APBA2: variants seen among roughly 807,000 people sequenced by gnomAD.
APBA2 encodes the protein amyloid beta precursor protein binding family A member 2, also known as amyloid-beta A4 precursor protein-binding family A member 2.
In APBA2, 30 loss-of-function variants were observed where a neutral mutation model predicts 75.0. The observed-to-expected ratio is 0.40, with a 90% confidence interval of 0.30 to 0.54. The LOEUF (loss-of-function observed/expected upper bound fraction) is 0.54. Ranked by LOEUF, APBA2 falls within the 20% of genes least tolerant of loss-of-function variation. APBA2 has a pLI of 0.49. For synonymous variants in APBA2, 444 were observed against 409.6 expected (o/e 1.08, Z -1.01); for missense variants, 801 against 1,016.1 (o/e 0.79, Z 2.88).
intron 3 of APBA2, among the ~76,000 whole-genome samples, chr15:29,005,929 C>G (rs542364175): frequency 6.6e-6 from 1 of 151,918 alleles, no homozygotes; most frequent in Non-Finnish European, 1.5e-5. Flanking sequence ...AGTTTAATAC[C>G]GCAACATAAT....
At chr15:29,111,655 G>A (rs552855712) in intron 13 of APBA2, among the ~76,000 whole-genome samples, 18 of 152,146 alleles carry the variant, frequency 1.2e-4, no homozygotes, top group African/African-American at 2.2e-4. Flanking sequence ...ATGAGTGCCC[G>A]TGGTCATGGT....
At chr15:28,953,289 C>T (rs28611099) in intron 2 of APBA2, among the ~76,000 whole-genome samples, 5,064 of 152,252 alleles carry the variant, frequency 0.033, 298 homozygotes, top group African/African-American at 0.12. Context: ...CTCAGCTTCA[C>T]GCTGCCCTCC....
At chr15:29,013,556 C>T (rs2039512463) in intron 3 of APBA2, among the ~76,000 whole-genome samples, 3 of 152,202 alleles carry the variant, frequency 2.0e-5, no homozygotes, top group Admixed American at 2.0e-4. Flanking sequence ...GCTGGGATTA[C>T]AGGCGTGAGC....
In APBA2 at chr15:28,998,662, C is replaced by T. The variant is rs189990994; in HGVS notation, c.-41+2856C>T. Among the ~76,000 whole-genome samples, 8 of 152,200 alleles carry T rather than the reference C, an allele frequency of 5.3e-5. No homozygotes were observed. The East Asian group carries it at 9.7e-4, about 18-fold the overall frequency. On this transcript the variant is annotated intron_variant, in intron 3 of 14. Transcript: ENST00000683413. ...TGTGACATTTGTGCAGGGAGAGACA[C>T]GGCAATGGCTGGGACAGGGTAGCAA...
chr15:29,027,761 C>T (rs1045501866), intron 3 of APBA2, among the ~76,000 whole-genome samples: 1 of 151,998 alleles, frequency 6.6e-6, no homozygotes, highest in African/African-American at 2.4e-5. Flanking sequence ...GCCACCACGC[C>T]TGGCTAATTT....
At chr15:29,021,807 C>G (rs2039970291) in intron 3 of APBA2, among the ~76,000 whole-genome samples, 2 of 152,090 alleles carry the variant, frequency 1.3e-5, no homozygotes, top group East Asian at 3.9e-4. Context: ...TCCACTTCCC[C>G]TACCCCCAGC....
At chr15:29,116,401 C>T (rs899642121) in intron 14 of APBA2, among the ~76,000 whole-genome samples, 9 of 151,936 alleles carry the variant, frequency 5.9e-5, no homozygotes, top group Non-Finnish European at 8.8e-5. Context: ...CCGAGGCGGG[C>T]GTATCACGAG....
chr15:28,968,513 C>T (rs1490791549), intron 2 of APBA2, among the ~76,000 whole-genome samples: 1 of 152,186 alleles, frequency 6.6e-6, no homozygotes, highest in African/African-American at 2.4e-5. Context: ...TGCACATTGG[C>T]AGCTGGATCC....
intron 2 of APBA2, among the ~76,000 whole-genome samples, chr15:28,942,795 T>C (rs2035308031): frequency 6.6e-6 from 1 of 152,128 alleles, no homozygotes; most frequent in Admixed American, 6.5e-5. Context: ...ACATGCCCAG[T>C]TGTGTGGCTG....
Position 29,054,089 on chromosome 15 carries a change from G to T in APBA2, c.205G>T (p.Asp69Tyr), listed in dbSNP as rs780907005. The T allele has an allele frequency of 7.4e-6, 12 of 1,613,978 alleles. No homozygotes were observed. Among genetic ancestry groups the T allele is most frequent in the African/African-American group, 1.3e-5 (1 of 74,930 alleles). ...EEQECHNHSP[D>Y]GDSSSDYVNN... is the part of the protein sequence containing the mutation. ...ACAGGAGTGCCACAACCACAGCCCC[G>T]ATGGGGACTCCAGCTCTGACTACGT... Residue 69 changes from aspartate (D) to tyrosine (Y), a missense_variant, in exon 4 of 15, where the codon GAT becomes TAT. Around this residue, in one of 2 missense-constraint regions of APBA2, gnomAD observed 434 missense variants for 471.6 expected, o/e 0.92. Transcript: ENST00000683413. The surrounding 1 kb of genome is among the most constrained non-coding windows in gnomAD (Gnocchi z 6.1).
chr15:29,061,441 C>A (rs745984602), intron 4 of APBA2, among the ~76,000 whole-genome samples: 9 of 152,122 alleles, frequency 5.9e-5, no homozygotes, highest in African/African-American at 2.2e-4. Flanking sequence ...ACCAAATATG[C>A]GTTTTGATTA....
At chr15:29,077,483 C>T (rs371689669) in intron 6 of APBA2, among the ~76,000 whole-genome samples, 13 of 152,274 alleles carry the variant, frequency 8.5e-5, no homozygotes, top group African/African-American at 2.6e-4. Flanking sequence ...TTAAATTCCC[C>T]GACCCTTGAA....
At chr15:29,076,161 T>C in intron 6 of APBA2, 70 bp downstream of exon 6, 1 of 1,519,052 alleles carries the variant, frequency 6.6e-7, no homozygotes, top group Non-Finnish European at 9.1e-7. Flanking sequence ...GTGCTTTTAG[T>C]TTGGGCATTC....
At position 29,101,616 on chromosome 15, in the gene APBA2, C is replaced by T. The variant is rs899089675; in HGVS notation, c.1356C>T (p.His452=). Residue 452 remains histidine (H), a synonymous_variant, in exon 10 of 15, where the codon CAC becomes CAT. Coordinates refer to ENST00000683413, the MANE Select transcript of APBA2 (RefSeq NM_001353788.2). ...CCCGACAGGAAACCATGATGGACCA[C>T]GCCTTGCGTACCATCTCCTACATCG... ...NADTQETMMD[H]ALRTISYIAD... 22 of 1,613,442 alleles carry T rather than the reference C, an allele frequency of 1.4e-5. No individual in the cohort carries two copies. The highest frequency in any genetic ancestry group is 8.9e-5 in the East Asian group (4 of 44,870).
chr15:29,080,236 T>C (rs1350678389), intron 6 of APBA2, among the ~76,000 whole-genome samples: 1 of 152,118 alleles, frequency 6.6e-6, no homozygotes, highest in Non-Finnish European at 1.5e-5. Flanking sequence ...GGAGAGTGAA[T>C]CCCGGGCCGA....
chr15:29,115,500 C>T (rs949842974), intron 14 of APBA2, among the ~76,000 whole-genome samples: 11 of 152,090 alleles, frequency 7.2e-5, no homozygotes, highest in Admixed American at 3.9e-4. Context: ...AAGCGGCCGC[C>T]CCCACGGCCA....
chr15:29,073,337 T>C (rs1224225545), intron 4 of APBA2, among the ~76,000 whole-genome samples: 1 of 152,218 alleles, frequency 6.6e-6, no homozygotes, highest in Non-Finnish European at 1.5e-5. Flanking sequence ...CCTAAGGTGC[T>C]AGGTAAATTA....
intron 5 of APBA2, 47 bp from the exon 6 acceptor site, chr15:29,076,008 C>T: frequency 6.4e-7 from 1 of 1,565,604 alleles, no homozygotes. Flanking sequence ...TGTGGGCTAC[C>T]TACTTAACAA....
intron 8 of APBA2, among the ~76,000 whole-genome samples, chr15:29,096,182 C>T (rs1242911953): frequency 6.6e-6 from 1 of 152,184 alleles, no homozygotes; most frequent in Non-Finnish European, 1.5e-5. Flanking sequence ...CAGGTCATGC[C>T]CCCCATCCAC....
Sources: allele counts gnomAD v4.1 joint callset (sites outside exome capture counted in the v4.1 genomes callset), GRCh38; gene constraint gnomAD v4.1.1; regional missense constraint gnomAD v4.1.1; non-coding constraint Gnocchi (gnomAD v3.1); transcripts MANE v1.5; gene names NCBI Gene and HGNC (gene_info 2026-07-23, HGNC 2026-07-21).